NPAS3: variants seen among roughly 807,000 people sequenced by gnomAD.
The protein encoded by NPAS3 is neuronal PAS domain protein 3.
NPAS3 carries 14 observed loss-of-function variants against 73.1 expected under a neutral mutation model. The observed-to-expected ratio is 0.19, with a 90% CI of 0.13 to 0.30. The LOEUF is 0.30. Among genes scored for constraint, NPAS3 ranks in the 10% least tolerant of loss-of-function variants. The probability of loss-of-function intolerance (pLI) is 1.00; values close to 1 mark genes in which losing one functional copy is unlikely to be tolerated. For synonymous variants in NPAS3, 620 were observed against 541.5 expected, an observed-to-expected ratio of 1.14 and a Z score of -2.01; for missense variants, 1,096 against 1,250.0, an observed-to-expected ratio of 0.88 and a Z score of 1.86.
chr14:33,382,601 G>A (rs989882973), intron 4 of NPAS3, among the ~76,000 whole-genome samples: 1 of 152,036 alleles, frequency 6.6e-6, no homozygotes, highest in African/African-American at 2.4e-5. Context: ...TATATATAAG[G>A]CTCATCAAAT....
chr14:33,519,158 T>C (rs2053446050), intron 4 of NPAS3, among the ~76,000 whole-genome samples: 2 of 152,130 alleles, frequency 1.3e-5, no homozygotes, highest in Non-Finnish European at 2.9e-5. Flanking sequence ...CTCAGCTCTC[T>C]TAGCTCAGAT....
Position 33,093,974 on chromosome 14 carries a change from TG to T in NPAS3, c.140+37985del, listed in dbSNP as rs887195909. 6.1e-5 allele frequency among the ~76,000 whole-genome samples: 9 copies of T among 147,768 alleles called. No homozygotes were observed. The Admixed American group carries it at 6.1e-4, about 10-fold the overall frequency. ...TCACACACCGGGGCCTGTTGTGGGG[TG>T]GGGGAAGGGGGAGGGATAGCATTAG... On this transcript the variant is annotated intron_variant, in intron 2 of 11. Coordinates refer to ENST00000356141, the Ensembl canonical transcript of NPAS3.
chr14:32,934,912 G>A (rs1328422240), upstream of NPAS3: 8 of 1,013,882 alleles, frequency 7.9e-6, no homozygotes, highest in Non-Finnish European at 9.4e-6. This position sits in a 1 kb window ranked among gnomAD's most constrained non-coding sequence, Gnocchi z 4.1. Flanking sequence ...GGCGGCCGCG[G>A]GGGTGCCGGC....
At chr14:33,355,057 G>A (rs1257312838) in intron 3 of NPAS3, among the ~76,000 whole-genome samples, 2 of 152,124 alleles carry the variant, frequency 1.3e-5, no homozygotes, top group Non-Finnish European at 2.9e-5. Context: ...TGCTGATGGG[G>A]CCATTTGTGA....
At chr14:33,486,791 C>A (rs1289884007) in intron 4 of NPAS3, among the ~76,000 whole-genome samples, 1 of 152,174 alleles carries the variant, frequency 6.6e-6, no homozygotes, top group Non-Finnish European at 1.5e-5. Flanking sequence ...TTTTTCTTCA[C>A]CTAACCTTTA....
intron 4 of NPAS3, among the ~76,000 whole-genome samples, chr14:33,523,358 A>C (rs1186148621): frequency 1.3e-5 from 2 of 151,586 alleles, no homozygotes; most frequent in African/African-American, 2.4e-5. Flanking sequence ...GAAACCTTGG[A>C]TACTATAAAA....
chr14:33,091,316 C>T (rs545294087), intron 2 of NPAS3, among the ~76,000 whole-genome samples: 14 of 152,136 alleles, frequency 9.2e-5, no homozygotes, highest in South Asian at 8.3e-4. Context: ...ATATCACCAC[C>T]GATCCCACAG....
At chr14:32,976,351 A>G (rs2037677142) in intron 1 of NPAS3, among the ~76,000 whole-genome samples, 1 of 152,096 alleles carries the variant, frequency 6.6e-6, no homozygotes, top group Admixed American at 6.6e-5. Flanking sequence ...AGGGAGACTC[A>G]TTTTGATTCA....
At chr14:33,260,227 T>C (rs562060720) in intron 3 of NPAS3, among the ~76,000 whole-genome samples, 1 of 152,340 alleles carries the variant, frequency 6.6e-6, no homozygotes, top group South Asian at 2.1e-4. Context: ...TGTACCTTGA[T>C]AGAGTAAACT....
chr14:33,659,828 G>A (rs2059256484), intron 5 of NPAS3, among the ~76,000 whole-genome samples: 1 of 152,130 alleles, frequency 6.6e-6, no homozygotes, highest in African/African-American at 2.4e-5. Flanking sequence ...AGGTAGTGCT[G>A]TTCAGACAAT....
chr14:33,720,769 C>T (rs559368472), intron 6 of NPAS3, among the ~76,000 whole-genome samples: 2 of 152,162 alleles, frequency 1.3e-5, no homozygotes, highest in South Asian at 2.1e-4. Flanking sequence ...TATATTAAGC[C>T]CTTTAAATAG....
At chr14:33,768,133 A>AT (rs1393905203) in intron 7 of NPAS3, among the ~76,000 whole-genome samples, 1 of 152,230 alleles carries the variant, frequency 6.6e-6, no homozygotes, top group Non-Finnish European at 1.5e-5. Flanking sequence ...TTTATCAAAG[A>AT]TGATGGGATT....
chr14:33,659,545 A>T (rs1419703473), intron 5 of NPAS3, among the ~76,000 whole-genome samples: 3 of 152,210 alleles, frequency 2.0e-5, no homozygotes, highest in Non-Finnish European at 4.4e-5. Context: ...CAAACAGAGC[A>T]AGAACTTATT....
chr14:33,217,969 C>G (rs1566688798), intron 3 of NPAS3, among the ~76,000 whole-genome samples: 1 of 152,172 alleles, frequency 6.6e-6, no homozygotes, highest in East Asian at 1.9e-4. Flanking sequence ...AGAATTTTCT[C>G]AGCTTCAGAC....
chr14:33,053,201 A>G (rs2040771949), intron 1 of NPAS3, among the ~76,000 whole-genome samples: 1 of 152,178 alleles, frequency 6.6e-6, no homozygotes, highest in South Asian at 2.1e-4. Flanking sequence ...ATTTGACCAG[A>G]TGGTGGAAAA....
At chr14:33,515,601 C>T (rs975401945) in intron 4 of NPAS3, among the ~76,000 whole-genome samples, 5 of 152,060 alleles carry the variant, frequency 3.3e-5, no homozygotes, top group Non-Finnish European at 7.4e-5. Flanking sequence ...ATATCGCCCA[C>T]GAATCCTAAA....
intron 4 of NPAS3, among the ~76,000 whole-genome samples, chr14:33,525,109 A>T (rs76588869): frequency 6.6e-6 from 1 of 152,274 alleles, no homozygotes; most frequent in East Asian, 1.9e-4. Flanking sequence ...TTTTGTGTTA[A>T]ATGTACTATT....
chr14:33,317,250 A>T (rs984872764), intron 3 of NPAS3, among the ~76,000 whole-genome samples: 1 of 152,124 alleles, frequency 6.6e-6, no homozygotes, highest in Non-Finnish European at 1.5e-5. Context: ...ATTTCATCAC[A>T]GCACATGTTC....
intron 4 of NPAS3, among the ~76,000 whole-genome samples, chr14:33,479,525 A>C (rs1055645792): frequency 5.3e-5 from 8 of 152,154 alleles, no homozygotes; most frequent in African/African-American, 1.9e-4. Context: ...AGTTACCCCC[A>C]AAGGAATTTC....
Sources: allele counts gnomAD v4.1 joint callset (sites outside exome capture counted in the v4.1 genomes callset), GRCh38; gene constraint gnomAD v4.1.1; non-coding constraint Gnocchi (gnomAD v3.1); transcripts MANE v1.5; gene names NCBI Gene and HGNC (gene_info 2026-07-23, HGNC 2026-07-21).